Variants in DCC observed in about 807,000 individuals in gnomAD.
DCC encodes the protein DCC netrin 1 receptor.
In DCC, 58 loss-of-function variants were observed where a neutral mutation model predicts 172.5. The observed-to-expected ratio is 0.34, with a 90% CI of 0.27 to 0.42. The LOEUF is 0.42. Ranked by LOEUF, DCC falls within the 10% of genes least tolerant of loss-of-function variation. The probability of loss-of-function intolerance (pLI) is 1.00; values close to 1 mark genes in which losing one functional copy is unlikely to be tolerated. For missense variants in DCC, 1,740 were observed against 1,791.0 expected, an observed-to-expected ratio of 0.97 and a Z score of 0.51; for synonymous variants, 709 against 644.5, an observed-to-expected ratio of 1.10 and a Z score of -1.52.
chr18:53,448,303 CAT>C (rs1424424748), intron 22 of DCC, among the ~76,000 whole-genome samples: 7 of 152,076 alleles, frequency 4.6e-5, no homozygotes, highest in African/African-American at 1.7e-4. Context: ...CTTCAGGAAA[CAT>C]ACAGTCATGG....
At chr18:52,470,444 G>A (rs1008375142) in intron 1 of DCC, among the ~76,000 whole-genome samples, 27 of 152,146 alleles carry the variant, frequency 1.8e-4, no homozygotes, top group African/African-American at 6.5e-4. Context: ...ATTATTCTGT[G>A]TGACTTTCAG....
At chr18:52,955,671 A>T (rs2040731094) in intron 5 of DCC, among the ~76,000 whole-genome samples, 1 of 152,126 alleles carries the variant, frequency 6.6e-6, no homozygotes, top group Admixed American at 6.6e-5. Context: ...ACCAATAATG[A>T]ATAAGAGTTC....
chr18:52,989,592 C>A (rs1258775658), intron 5 of DCC, among the ~76,000 whole-genome samples: 2 of 152,104 alleles, frequency 1.3e-5, no homozygotes, highest in Non-Finnish European at 2.9e-5. Flanking sequence ...AAATAAATTG[C>A]ACCTTGCCTC....
intron 1 of DCC, among the ~76,000 whole-genome samples, chr18:52,385,346 G>A (rs1985752640): frequency 6.6e-6 from 1 of 152,050 alleles, no homozygotes; most frequent in African/African-American, 2.4e-5. Context: ...CATGATCTCA[G>A]CTCACCGCAA....
chr18:52,926,890 C>T (rs1555682703), intron 5 of DCC, among the ~76,000 whole-genome samples: 1 of 137,952 alleles, frequency 7.2e-6, no homozygotes, highest in African/African-American at 2.7e-5. Context: ...TATACACACA[C>T]ATACATATGT....
chr18:52,776,544 C>T (rs111235458), intron 2 of DCC, among the ~76,000 whole-genome samples: 3 of 152,128 alleles, frequency 2.0e-5, no homozygotes, highest in African/African-American at 7.2e-5. Context: ...AGGGGAAGGA[C>T]GTTTACAAAT....
chr18:53,086,010 C>CTTATTATTATTATTATTATTAT (rs781244055), intron 7 of DCC, among the ~76,000 whole-genome samples: 1 of 19,070 alleles, frequency 5.2e-5, no homozygotes. Context: ...TCTTCTCCTT[C>CTTATTATTATTATTATTATTAT]TCCTTCTCCC....
At chr18:53,223,026 A>T (rs7237110) in intron 12 of DCC, among the ~76,000 whole-genome samples, 20,850 of 152,040 alleles carry the variant, frequency 0.14, 2,334 homozygotes, top group African/African-American at 0.31. Flanking sequence ...TGAATCAAGG[A>T]ATAGTTATAA....
intron 1 of DCC, among the ~76,000 whole-genome samples, chr18:52,347,868 G>A (rs1290086789): frequency 6.6e-6 from 1 of 151,988 alleles, no homozygotes; most frequent in Non-Finnish European, 1.5e-5. Context: ...ATTATGAACT[G>A]TACTATACAT....
In DCC at chr18:53,286,246, T is replaced by A. The variant is rs189735815; in HGVS notation, c.1912-19332T>A. 5.4e-3 allele frequency among the ~76,000 whole-genome samples: 824 copies of A among 152,192 alleles called. 5 individuals carry two copies. The highest frequency in any genetic ancestry group is 9.0e-3 in the Non-Finnish European group (615 of 68,006). On this transcript the variant is annotated intron_variant, in intron 12 of 28. Coordinates refer to ENST00000442544, the MANE Select transcript of DCC (RefSeq NM_005215.4). ...GTCACCACCCAAATCTCATCTTGAA[T>A]TTTAACTCCCACAATTCCCACATGT...
intron 2 of DCC, among the ~76,000 whole-genome samples, chr18:52,834,072 C>T (rs189167289): frequency 6.6e-6 from 1 of 152,112 alleles, no homozygotes. Context: ...TCATCTGTGG[C>T]TTAGCACTGT....
At chr18:53,455,679 C>A (rs576435958) in intron 23 of DCC, among the ~76,000 whole-genome samples, 2 of 152,144 alleles carry the variant, frequency 1.3e-5, no homozygotes, top group African/African-American at 2.4e-5. Flanking sequence ...AGCTAAAAAT[C>A]TTTTTGCAAT....
rs369482655 is a variant in DCC at position 53,352,396 on chromosome 18, A to T, written c.2359+12489A>T. On this transcript the variant is annotated intron_variant, in intron 15 of 28. Transcript: ENST00000442544. ...GTGTTTTTCCTTTTAATTCTATCAG[A>T]TGCATAATTATTTAGGATTGTTATG... 1.0e-3 allele frequency among the ~76,000 whole-genome samples: 157 copies of T among 152,220 alleles called. 1 individual carries two copies. Among genetic ancestry groups the T allele is most frequent in the Middle Eastern group, 6.8e-3 (2 of 294 alleles).
chr18:53,337,410 G>A (rs2057603768), intron 14 of DCC, among the ~76,000 whole-genome samples: 2 of 152,226 alleles, frequency 1.3e-5, no homozygotes, highest in Admixed American at 1.3e-4. Context: ...AAGGGCACTG[G>A]TGAGACTGTG....
At position 53,219,018 on chromosome 18, in the gene DCC, C is replaced by T. The variant is rs79806825; in HGVS notation, c.1911+3421C>T. On this transcript the variant is annotated intron_variant, in intron 12 of 28. Transcript: ENST00000442544. ...TGATAGAATTCAAGTTGCTTGGGTC[C>T]TTTTATTAACTCTTTGAACCTGTGA... 6.5e-3 allele frequency among the ~76,000 whole-genome samples: 996 copies of T among 152,154 alleles called. 4 individuals are homozygous for T. The highest frequency in any genetic ancestry group is 0.019 in the South Asian group (93 of 4,832).
chr18:53,397,714 T>A (rs1909043088), intron 18 of DCC, among the ~76,000 whole-genome samples: 1 of 152,208 alleles, frequency 6.6e-6, no homozygotes, highest in African/African-American at 2.4e-5. Context: ...ACTATAAATC[T>A]TCTTTTCACT....
At chr18:53,213,872 C>T (rs907415592) in intron 11 of DCC, among the ~76,000 whole-genome samples, 1 of 140,946 alleles carries the variant, frequency 7.1e-6, no homozygotes, top group South Asian at 2.1e-4. Context: ...AATAATAATA[C>T]AAGTACAATT....
chr18:53,422,062 CAGG>C (rs1910669143), intron 21 of DCC, among the ~76,000 whole-genome samples: 1 of 152,058 alleles, frequency 6.6e-6, no homozygotes, highest in African/African-American at 2.4e-5. Flanking sequence ...AAAATGGAGT[CAGG>C]AGGTTATAAG....
At chr18:52,381,647 G>A (rs942743841) in intron 1 of DCC, among the ~76,000 whole-genome samples, 1 of 152,100 alleles carries the variant, frequency 6.6e-6, no homozygotes, top group Non-Finnish European at 1.5e-5. Flanking sequence ...TCCAGACCTG[G>A]TTTGAGGTGC....
Sources: allele counts gnomAD v4.1 joint callset (sites outside exome capture counted in the v4.1 genomes callset), GRCh38; gene constraint gnomAD v4.1.1; transcripts MANE v1.5; gene names NCBI Gene and HGNC (gene_info 2026-07-23, HGNC 2026-07-21).